The following CDH12 variants were observed in gnomAD, a reference collection of about 807,000 sequenced individuals.
CDH12 encodes cadherin-12.
Under a neutral mutation model 74.1 loss-of-function variants are expected in CDH12, and 41 were observed. The observed-to-expected ratio is 0.55, with a 90% CI of 0.43 to 0.72. The LOEUF (loss-of-function observed/expected upper bound fraction) is 0.72. Ranked by LOEUF, CDH12 falls within the 30% of genes least tolerant of loss-of-function variation. The pLI is 0.00. For missense variants in CDH12, 945 were observed against 977.2 expected (o/e 0.97, Z 0.44); for synonymous variants, 399 against 355.0 (o/e 1.12, Z -1.39).
chr5:22,045,598 C>T (rs1422869178), intron 5 of CDH12, among the ~76,000 whole-genome samples: 1 of 119,900 alleles, frequency 8.3e-6, no homozygotes, highest in Non-Finnish European at 1.6e-5. Context: ...GTACACTATT[C>T]AGCCAAAAAA....
chr5:22,375,990 C>G (rs774322090), intron 3 of CDH12, among the ~76,000 whole-genome samples: 1 of 152,108 alleles, frequency 6.6e-6, no homozygotes, highest in Non-Finnish European at 1.5e-5. Context: ...AATCTGTATA[C>G]CAAGGGGACA....
At chr5:22,821,426 GA>G (rs1749695208) in intron 1 of CDH12, among the ~76,000 whole-genome samples, 2 of 152,118 alleles carry the variant, frequency 1.3e-5, no homozygotes, top group South Asian at 4.1e-4. Flanking sequence ...ATTCAATTAG[GA>G]AAAGAGGAAG....
At chr5:22,276,812 G>A (rs1294277030) in intron 3 of CDH12, among the ~76,000 whole-genome samples, 2 of 152,120 alleles carry the variant, frequency 1.3e-5, no homozygotes, top group East Asian at 1.9e-4. Context: ...TCAGCCTCCC[G>A]AGTAGCTGGG....
chr5:21,791,384 A>T (rs1233012066), intron 10 of CDH12, among the ~76,000 whole-genome samples: 1 of 152,056 alleles, frequency 6.6e-6, no homozygotes, highest in Non-Finnish European at 1.5e-5. Context: ...TTGAGGAGTT[A>T]CAGCCTCACA....
intron 11 of CDH12, 77 bp from the exon 12 acceptor site, chr5:21,765,176 A>C: frequency 8.2e-7 from 1 of 1,222,922 alleles, no homozygotes; most frequent in Non-Finnish European, 1.1e-6. Flanking sequence ...TAGTATTTAC[A>C]TTTTTAAAAA....
chr5:22,647,983 A>C (rs76724939), intron 1 of CDH12, among the ~76,000 whole-genome samples: 2,954 of 152,004 alleles, frequency 0.019, 42 homozygotes, highest in Non-Finnish European at 0.03. Context: ...GCAATATCTT[A>C]TTAATCAGCT....
chr5:21,827,717 T>C (rs1748759335), intron 8 of CDH12, among the ~76,000 whole-genome samples: 1 of 152,184 alleles, frequency 6.6e-6, no homozygotes, highest in Non-Finnish European at 1.5e-5. Context: ...AACCAACTTA[T>C]ATTACTTAAT....
rs551446595 is a variant in CDH12, at chr5:21,963,586, G to C, written c.526+11505C>G. On this transcript the variant is annotated intron_variant, in intron 6 of 14. Transcript: ENST00000382254. ...CCTGTTTCCTTATATATGTTGCCCA[G>C]TCTTATCATTGTTTATAGTGAAAAG... is the stretch of plus-strand genomic sequence containing the variant. 2.0e-5 allele frequency among the ~76,000 whole-genome samples: 3 copies of C among 152,102 alleles called. No homozygotes were observed. In the South Asian group the frequency reaches 6.2e-4, roughly 32 times the overall value.
intron 5 of CDH12, among the ~76,000 whole-genome samples, chr5:22,053,113 G>A (rs1740499702): frequency 6.7e-6 from 1 of 149,904 alleles, no homozygotes; most frequent in South Asian, 2.1e-4. Context: ...GAAGAAGAAT[G>A]CCTGAAGTAC....
intron 8 of CDH12, among the ~76,000 whole-genome samples, chr5:21,834,543 ATTAC>A (rs753913030): frequency 2.0e-5 from 3 of 151,940 alleles, no homozygotes; most frequent in Non-Finnish European, 4.4e-5. Context: ...ACTGTTGGAA[ATTAC>A]TTAAACATTA....
chr5:21,936,601 C>T (rs1462166856), intron 6 of CDH12, among the ~76,000 whole-genome samples: 4 of 152,016 alleles, frequency 2.6e-5, no homozygotes, highest in Admixed American at 6.6e-5. Context: ...TGGGGTGGGA[C>T]GGAAGAAATT....
intron 2 of CDH12, among the ~76,000 whole-genome samples, chr5:22,430,608 G>A (rs999578694): frequency 4.6e-5 from 7 of 151,952 alleles, no homozygotes; most frequent in African/African-American, 9.7e-5. Flanking sequence ...GAGTACATCC[G>A]CATCTCCTCC....
At chr5:22,205,123 T>C (rs1484559384) in intron 4 of CDH12, among the ~76,000 whole-genome samples, 3 of 152,248 alleles carry the variant, frequency 2.0e-5, no homozygotes, top group African/African-American at 4.8e-5. Flanking sequence ...ATTAAGATTT[T>C]ATAATGTGTT....
chr5:22,554,866 G>T (rs1298880149), intron 1 of CDH12, among the ~76,000 whole-genome samples: 3 of 152,032 alleles, frequency 2.0e-5, no homozygotes, highest in African/African-American at 7.2e-5. Context: ...ATCTATTTAA[G>T]TAGAGCTAAT....
intron 1 of CDH12, among the ~76,000 whole-genome samples, chr5:22,822,429 A>T (rs2126478790): frequency 6.6e-6 from 1 of 152,158 alleles, no homozygotes; most frequent in East Asian, 1.9e-4. Context: ...AGAAACTACC[A>T]TCAGAGTGAA....
At chr5:21,905,554 C>T (rs574654048) in intron 6 of CDH12, among the ~76,000 whole-genome samples, 53 of 152,320 alleles carry the variant, frequency 3.5e-4, no homozygotes, top group African/African-American at 1.0e-3. Context: ...CTACAATTAC[C>T]AGGCTCTGGC....
At chr5:22,582,312 GGCAATGCA>G (rs111752027) in intron 1 of CDH12, among the ~76,000 whole-genome samples, 76 of 152,136 alleles carry the variant, frequency 5.0e-4, no homozygotes, top group African/African-American at 1.8e-3. Context: ...ACCTGCATGT[GGCAATGCA>G]TCCACAGTGA....
In CDH12 at chr5:22,310,512, T is replaced by C. The variant is rs143277068; in HGVS notation, c.-333+94745A>G. Among the ~76,000 whole-genome samples the C allele has an allele frequency of 1.3e-4, 19 of 151,966 alleles. No individual in the cohort carries two copies. The East Asian group carries it at 3.3e-3, about 26-fold the overall frequency. On this transcript the variant is annotated intron_variant, in intron 3 of 14. Transcript: ENST00000382254. ...AAAATATAATAAACCATTATAATTA[T>C]ATAGGGGCTCATCTCACCAAAACTC...
At chr5:22,654,066 C>A (rs11747305) in intron 1 of CDH12, among the ~76,000 whole-genome samples, 1 of 134,270 alleles carries the variant, frequency 7.4e-6, no homozygotes, top group Non-Finnish European at 1.6e-5. Flanking sequence ...CTGTCCTTCC[C>A]GTTCCTTCTC....
Sources: gnomAD v4.1 joint callset for allele counts (sites outside exome capture counted in the v4.1 genomes callset) on GRCh38, gnomAD v4.1.1 for gene constraint, MANE v1.5 for transcripts, NCBI Gene and HGNC (gene_info 2026-07-23, HGNC 2026-07-21) for gene names.